The following DAB1 variants were observed in gnomAD, a reference collection of about 807,000 sequenced individuals.
The protein encoded by DAB1 is DAB adaptor protein 1.
Under a neutral mutation model 64.6 loss-of-function variants are expected in DAB1, and 15 were observed. The observed-to-expected ratio is 0.23, with a 90% CI of 0.16 to 0.36. The LOEUF (loss-of-function observed/expected upper bound fraction) is 0.36, where lower values mean the gene tolerates loss of function less well. DAB1 is among the 10% of genes least tolerant of loss of function. The probability of loss-of-function intolerance (pLI) is 1.00; values close to 1 mark genes in which losing one functional copy is unlikely to be tolerated. For missense variants in DAB1, 596 were observed against 706.7 expected, an observed-to-expected ratio of 0.84 and a Z score of 1.78; for synonymous variants, 235 against 251.9, an observed-to-expected ratio of 0.93 and a Z score of 0.64.
intron 5 of DAB1, among the ~76,000 whole-genome samples, chr1:58,118,469 C>CATATATATATATATATAT (rs370100684): frequency 2.7e-4 from 6 of 22,036 alleles, no homozygotes; most frequent in Non-Finnish European, 3.6e-4. Context: ...TATCCTAAGG[C>CATATATATATATATATAT]ATATATATAT....
intron 4 of DAB1, among the ~76,000 whole-genome samples, chr1:58,250,928 C>T (rs1660777862): frequency 6.6e-6 from 1 of 152,202 alleles, no homozygotes; most frequent in African/African-American, 2.4e-5. Context: ...AGCAGACACA[C>T]ACTCTTCTGC....
chr1:57,469,572 T>C (rs896860384), intron 7 of DAB1, among the ~76,000 whole-genome samples: 6 of 152,188 alleles, frequency 3.9e-5, no homozygotes, highest in Non-Finnish European at 8.8e-5. Context: ...GAGGTAGTAA[T>C]GCTCCTCCCA....
At chr1:57,462,451 C>T (rs1686816771) in intron 7 of DAB1, among the ~76,000 whole-genome samples, 1 of 151,912 alleles carries the variant, frequency 6.6e-6, no homozygotes, top group Non-Finnish European at 1.5e-5. Context: ...TGAGGGGTAC[C>T]CACAAATGAA....
intron 3 of DAB1, among the ~76,000 whole-genome samples, chr1:58,450,989 T>C (rs1292114551): frequency 6.6e-6 from 1 of 152,152 alleles, no homozygotes; most frequent in Non-Finnish European, 1.5e-5. Context: ...CTCACCAAAA[T>C]TGCCAAGGTC....
chr1:57,040,695 AT>A (rs1266171044), intron 9 of DAB1, among the ~76,000 whole-genome samples: 3 of 152,214 alleles, frequency 2.0e-5, no homozygotes, highest in Admixed American at 6.5e-5. Context: ...GCTTGCAATT[AT>A]TTGTTTTTAA....
intron 1 of DAB1, among the ~76,000 whole-genome samples, chr1:57,333,032 G>A (rs1411163056): frequency 1.3e-5 from 2 of 152,174 alleles, no homozygotes; most frequent in African/African-American, 2.4e-5. Flanking sequence ...GATCCTAGGG[G>A]TAATGAGAGG....
At chr1:58,336,255 G>A (rs1935226) in intron 4 of DAB1, among the ~76,000 whole-genome samples, 1 of 152,200 alleles carries the variant, frequency 6.6e-6, no homozygotes, top group Non-Finnish European at 1.5e-5. Flanking sequence ...CTGGGGTCTA[G>A]GCTTGCATCT....
intron 2 of DAB1, among the ~76,000 whole-genome samples, chr1:57,214,188 T>C (rs560102165): frequency 9.9e-5 from 15 of 152,244 alleles, no homozygotes; most frequent in African/African-American, 3.1e-4. Context: ...GGTTAGGGCC[T>C]TCTTGCTGAG....
At chr1:58,501,768 A>G (rs952778261) in intron 3 of DAB1, among the ~76,000 whole-genome samples, 5 of 152,166 alleles carry the variant, frequency 3.3e-5, no homozygotes. Context: ...TCTAAAATTC[A>G]TATTTTGAAG....
At chr1:57,812,597 A>G (rs1651682562) in intron 6 of DAB1, among the ~76,000 whole-genome samples, 1 of 152,196 alleles carries the variant, frequency 6.6e-6, no homozygotes. Flanking sequence ...TACATTCAAC[A>G]GTGCCAGCAC....
In DAB1 at chr1:57,780,392, C is replaced by G. The variant is rs181459777; in HGVS notation, n.551+103607G>C. On this transcript the variant is annotated intron_variant and non_coding_transcript_variant, in intron 6 of 20. Coordinates refer to the DAB1 transcript ENST00000485760. The stretch of plus-strand genomic sequence containing the variant: ...ATATTCCTCAAACTAAAACTGATTA[C>G]TAAGTAGCATGGCCCTGTCAGAGAG... Among the ~76,000 whole-genome samples the G allele has an allele frequency of 3.4e-4, 51 of 152,212 alleles. No homozygotes were observed. In the East Asian group the frequency reaches 5.6e-3, roughly 17 times the overall value.
At chr1:57,953,099 A>G (rs941575717) in intron 5 of DAB1, among the ~76,000 whole-genome samples, 3 of 152,200 alleles carry the variant, frequency 2.0e-5, no homozygotes, top group Non-Finnish European at 4.4e-5. Context: ...AAGTCCTCAT[A>G]TTTATACATT....
chr1:58,049,241 G>A (rs1408857492), intron 5 of DAB1: 1 of 761,900 alleles, frequency 1.3e-6, no homozygotes, highest in Non-Finnish European at 2.4e-6. Context: ...GCCCTCCAGT[G>A]AAGAGCTTCC....
intron 1 of DAB1, among the ~76,000 whole-genome samples, chr1:57,351,606 G>A (rs373968129): frequency 4.9e-4 from 74 of 152,230 alleles, no homozygotes; most frequent in African/African-American, 1.8e-3. Context: ...TGTAGGCAGG[G>A]AAGGGACTAA....
chr1:58,328,802 C>T (rs1662902414), intron 4 of DAB1, among the ~76,000 whole-genome samples: 1 of 152,130 alleles, frequency 6.6e-6, no homozygotes, highest in African/African-American at 2.4e-5. Context: ...GATGGAGTTT[C>T]ACCATGTTGG....
chr1:58,059,739 T>A (rs1369151522), intron 5 of DAB1, among the ~76,000 whole-genome samples: 1 of 152,250 alleles, frequency 6.6e-6, no homozygotes, highest in African/African-American at 2.4e-5. Flanking sequence ...CTTGCCATTT[T>A]CAGTCTGCCC....
intron 2 of DAB1, among the ~76,000 whole-genome samples, chr1:58,525,141 T>G (rs1306362455): frequency 1.3e-5 from 2 of 152,216 alleles, no homozygotes; most frequent in African/African-American, 4.8e-5. Context: ...ATAACCGATT[T>G]GTGTTTTATG....
chr1:58,452,347 A>C (rs843988), intron 3 of DAB1, among the ~76,000 whole-genome samples: 3,261 of 152,150 alleles, frequency 0.021, 122 homozygotes, highest in African/African-American at 0.074. Flanking sequence ...GGAAAATGCA[A>C]ATTAAAATCA....
At chr1:57,970,614 G>T (rs1334537524) in intron 5 of DAB1, among the ~76,000 whole-genome samples, 1 of 152,162 alleles carries the variant, frequency 6.6e-6, no homozygotes, top group Non-Finnish European at 1.5e-5. Context: ...ACTATAGAAA[G>T]CTGGTGCTTA....
Sources: gnomAD v4.1 joint callset for allele counts (sites outside exome capture counted in the v4.1 genomes callset) on GRCh38, gnomAD v4.1.1 for gene constraint, MANE v1.5 for transcripts, NCBI Gene and HGNC (gene_info 2026-07-23, HGNC 2026-07-21) for gene names.